Variants in MINK1 observed in about 807,000 individuals in gnomAD.
The protein encoded by MINK1 is misshapen-like kinase 1.
In MINK1, 46 loss-of-function variants were observed where a neutral mutation model predicts 178.4. The ratio of observed to expected loss-of-function variants is 0.26; its 90% CI spans 0.20 to 0.33. The LOEUF (loss-of-function observed/expected upper bound fraction) is 0.33. Among genes scored for constraint, MINK1 ranks in the 10% least tolerant of loss-of-function variants. The pLI, the probability that MINK1 is intolerant of heterozygous loss-of-function variation, is 1.00. For missense variants in MINK1, 1,366 were observed against 1,814.9 expected (o/e 0.75, Z 4.49); for synonymous variants, 797 against 709.7 (o/e 1.12, Z -1.96).
chr17:4,865,937 CGAAA>C lies in MINK1; in HGVS notation c.58-12367_58-12364del, dbSNP rs552225688. On this transcript the variant is annotated intron_variant, in intron 1 of 31. Coordinates refer to ENST00000355280, the MANE Select transcript of MINK1 (RefSeq NM_153827.5). The stretch of plus-strand genomic sequence containing the variant: ...TGGGTTTGTGTCATCTGAGATGCAA[CGAAA>C]GAAAGAAAGAAAACAAAGACATACC... Among the ~76,000 whole-genome samples, 29 of 151,926 alleles carry C rather than the reference CGAAA, an allele frequency of 1.9e-4. No homozygotes were observed. The East Asian group carries it at 3.3e-3, about 17-fold the overall frequency.
At chr17:4,880,614 G>A (rs1967605223) in intron 2 of MINK1, among the ~76,000 whole-genome samples, 1 of 148,432 alleles carries the variant, frequency 6.7e-6, no homozygotes, top group African/African-American at 2.5e-5. Context: ...ATAGAAAACA[G>A]TCGGGCCGGG....
intron 12 of MINK1, among the ~76,000 whole-genome samples, chr17:4,888,243 A>G (rs1445770383): frequency 6.6e-6 from 1 of 152,072 alleles, no homozygotes; most frequent in East Asian, 1.9e-4. Flanking sequence ...AACCCGCAGC[A>G]CCCACACTGT....
chr17:4,890,504 C>T lies in MINK1; in HGVS notation c.1348-13C>T. 1 of 1,579,306 alleles carries T rather than the reference C, an allele frequency of 6.3e-7. No homozygotes were observed. Among genetic ancestry groups the T allele is most frequent in the African/African-American group, 1.4e-5 (1 of 74,034 alleles). ...CACCCTGCTGAGCCCTCTCTCCCTA[C>T]CCTTGGGCCCAGGAATACAAGCGGA... On this transcript the variant is annotated splice_polypyrimidine_tract_variant and intron_variant, in intron 13 of 31. Coordinates refer to ENST00000355280, the MANE Select transcript of MINK1 (RefSeq NM_153827.5).
At position 4,886,371 on chromosome 17, in the gene MINK1, G is replaced by A. The variant is rs1230302802; in HGVS notation, c.774-80G>A. ...CAGGAGGGACGTCAAGGTGGCTTGTGGATGAATGATCCACCCTCTTCCTCC... is the reference window on the plus strand; with the variant it reads ...CAGGAGGGACGTCAAGGTGGCTTGTAGATGAATGATCCACCCTCTTCCTCC... On this transcript the variant is annotated intron_variant, in intron 9 of 31. Transcript: ENST00000355280. The surrounding 1 kb of genome is among the most constrained non-coding windows in gnomAD (Gnocchi z 6.1). 2.6e-6 allele frequency: 4 copies of A among 1,534,842 alleles called. No individual in the cohort carries two copies. In the African/African-American group the frequency reaches 5.5e-5, roughly 21 times the overall value.
Position 4,894,397 on chromosome 17 carries a change from G to T in MINK1, c.2808+86G>T. 2 of 1,547,214 alleles carry T rather than the reference G, an allele frequency of 1.3e-6. No individual in the cohort carries two copies. The highest frequency in any genetic ancestry group is 2.4e-5 in the South Asian group (2 of 83,882). ...CCGGTGCTGGGTAACGGCAGAGGAT[G>T]GGGCGGAGCGCTGGGAGCTGGACAG... On this transcript the variant is annotated intron_variant, in intron 23 of 31. Coordinates refer to ENST00000355280, the MANE Select transcript of MINK1 (RefSeq NM_153827.5). The surrounding 1 kb of genome is among the most constrained non-coding windows in gnomAD (Gnocchi z 4.1).
In MINK1 at chr17:4,891,136, C is replaced by T; in HGVS notation, c.1740+12C>T. ...AGGGACCGCACAAGGTGAGTCTCTCCCCACCCCTGTCTTAATGAAGACACA... is the reference window on the plus strand; with the variant it reads ...AGGGACCGCACAAGGTGAGTCTCTCTCCACCCCTGTCTTAATGAAGACACA... On this transcript the variant is annotated intron_variant, in intron 15 of 31. Coordinates refer to ENST00000355280, the MANE Select transcript of MINK1 (RefSeq NM_153827.5). 1 of 1,501,730 alleles carries T rather than the reference C, an allele frequency of 6.7e-7. No individual in the cohort carries two copies. The highest frequency in any genetic ancestry group is 8.9e-7 in the Non-Finnish European group (1 of 1,126,078). 93.0% of individuals were successfully genotyped at this position (1,501,730 alleles called of 1,614,324 possible).
chr17:4,845,638 ATT>A (rs561317791), intron 1 of MINK1, among the ~76,000 whole-genome samples: 4 of 141,394 alleles, frequency 2.8e-5, no homozygotes, highest in Non-Finnish European at 3.1e-5. Flanking sequence ...ATTGAGTTGG[ATT>A]TTTTTTTTTT....
chr17:4,894,133 C>T lies in MINK1; in HGVS notation c.2670+40C>T. On this transcript the variant is annotated intron_variant, in intron 22 of 31. Coordinates refer to ENST00000355280, the MANE Select transcript of MINK1 (RefSeq NM_153827.5). This position sits in a 1 kb window ranked among gnomAD's most constrained non-coding sequence, Gnocchi z 4.1. ...GCTCCCTCCCCTGTACCTGTGTGTG[C>T]CCTCCTCAGCCCCACGCCAACCCTG... 6.2e-7 allele frequency: 1 copy of T among 1,609,902 alleles called. No individual in the cohort carries two copies. The highest frequency in any genetic ancestry group is 8.5e-7 in the Non-Finnish European group (1 of 1,177,534).
rs1466078015 is a variant in MINK1, at chr17:4,836,312, G to A, written c.57+2672G>A. Among the ~76,000 whole-genome samples the A allele has an allele frequency of 1.3e-5, 2 of 152,172 alleles. No individual in the cohort carries two copies. The highest frequency in any genetic ancestry group is 1.5e-5 in the Non-Finnish European group (1 of 68,038). ...TTTTCAGCTGGTGATGAGGGTAATC[G>A]TCTGATATTAGGGAAGATTGAATTG... On this transcript the variant is annotated intron_variant, in intron 1 of 31. Coordinates refer to ENST00000355280, the MANE Select transcript of MINK1 (RefSeq NM_153827.5). This position sits in a 1 kb window ranked among gnomAD's most constrained non-coding sequence, Gnocchi z 4.3.
intron 1 of MINK1, among the ~76,000 whole-genome samples, chr17:4,862,386 G>A (rs1167137353): frequency 1.3e-5 from 2 of 152,112 alleles, no homozygotes; most frequent in Non-Finnish European, 2.9e-5. Flanking sequence ...CAGGCACGGT[G>A]GCTCACGCCT....
intron 1 of MINK1, chr17:4,868,981 T>G (rs1915452498): frequency 1.3e-5 from 2 of 159,622 alleles, no homozygotes; most frequent in Admixed American, 1.3e-4. Context: ...TGGTGTGCAG[T>G]GGCGTAATCT....
intron 1 of MINK1, chr17:4,860,683 T>C (rs1914021541): frequency 5.8e-6 from 3 of 518,966 alleles, no homozygotes; most frequent in African/African-American, 1.9e-5. Context: ...AGGGAGTCCC[T>C]TGAGGCTGAG....
intron 1 of MINK1, among the ~76,000 whole-genome samples, chr17:4,839,215 T>A (rs369830722): frequency 6.6e-6 from 1 of 152,304 alleles, no homozygotes; most frequent in South Asian, 2.1e-4. Flanking sequence ...AGTGCTGGGA[T>A]TACAGGCGCG....
rs1316608633 is a variant in MINK1 at position 4,892,656 on chromosome 17, T to C, written c.2199T>C (p.Ser733=). Residue 733 remains serine, a splice_region_variant and synonymous_variant, in exon 19 of 32, where the codon AGT becomes AGC. Transcript: ENST00000355280. ...AQPPGPPNAS[S]NPDLRRSDPG... is the part of the protein sequence containing the mutation. The stretch of plus-strand genomic sequence containing the variant: ...GACCCTGACTCTGCCCCCCCAACAG[T>C]AACCCCGACCTCAGGAGGAGCGACC... 1.9e-6 allele frequency: 3 copies of C among 1,600,754 alleles called. No homozygotes were observed. The highest frequency in any genetic ancestry group is 1.7e-5 in the Admixed American group (1 of 58,832).
rs773538543 is a variant in MINK1 at position 4,885,601 on chromosome 17, C to A, written c.627C>A (p.Thr209=). The change falls in exon 7 of 32, where the codon ACC becomes ACA. Residue 209 remains threonine, a synonymous_variant. Coordinates refer to ENST00000355280, the MANE Select transcript of MINK1 (RefSeq NM_153827.5). The surrounding 1 kb of genome is among the most constrained non-coding windows in gnomAD (Gnocchi z 5.0). ...VIACDENPDA[T]YDYRSDIWSL... The stretch of plus-strand genomic sequence containing the variant: ...CCTGTGATGAGAACCCTGATGCCAC[C>A]TATGATTACAGGGTATGGAGTGGAA... 6 of 1,613,962 alleles carry A rather than the reference C, an allele frequency of 3.7e-6. No homozygotes were observed. In the Admixed American group the frequency reaches 1.0e-4, roughly 27 times the overall value.
chr17:4,844,485 G>A (rs1910709298), intron 1 of MINK1: 3 of 461,740 alleles, frequency 6.5e-6, no homozygotes, highest in South Asian at 1.5e-5. Flanking sequence ...CCCTCCAGGA[G>A]CACTTGGCCT....
At position 4,894,433 on chromosome 17, in the gene MINK1, A is replaced by C; in HGVS notation, c.2809-92A>C. On this transcript the variant is annotated intron_variant, in intron 23 of 31. Coordinates refer to ENST00000355280, the MANE Select transcript of MINK1 (RefSeq NM_153827.5). This position sits in a 1 kb window ranked among gnomAD's most constrained non-coding sequence, Gnocchi z 4.1. ...CTGGGAGCTGGACAGCGGGGGTGCC[A>C]GTTGGGGAGCTGGAGCCTGGGGAAC... is the stretch of plus-strand genomic sequence containing the variant. 6.6e-7 allele frequency: 1 copy of C among 1,521,930 alleles called. No individual in the cohort carries two copies. Among genetic ancestry groups the C allele is most frequent in the African/African-American group, 1.4e-5 (1 of 72,704 alleles). The allele number at this position is 1,521,930 out of a possible 1,614,324, so 94.3% of individuals were successfully genotyped here.
chr17:4,888,774 C>A (rs34373632), intron 12 of MINK1, among the ~76,000 whole-genome samples: 90,069 of 146,230 alleles, frequency 0.62, 29,523 homozygotes, highest in Non-Finnish European at 0.74. Flanking sequence ...AGGCTCACCG[C>A]AAAACCTCCG....
chr17:4,885,828 G>C lies in MINK1; in HGVS notation c.640-83G>C. ...ATGGGTGTGGCCCAGGAAGGCTCCT[G>C]AGAGGCCAGGATGGTGGGTGAAGAG... On this transcript the variant is annotated intron_variant, in intron 7 of 31. Transcript: ENST00000355280. The surrounding 1 kb of genome is among the most constrained non-coding windows in gnomAD (Gnocchi z 5.0). The C allele has an allele frequency of 1.3e-6, 2 of 1,531,894 alleles. No individual in the cohort carries two copies. The highest frequency in any genetic ancestry group is 1.8e-6 in the Non-Finnish European group (2 of 1,116,152). 94.9% of individuals were successfully genotyped at this position (1,531,894 alleles called of 1,614,324 possible). A position where few individuals can be genotyped will look rare whatever the true frequency, so the allele number is the denominator to read the frequency against.
Sources: allele counts gnomAD v4.1 joint callset (sites outside exome capture counted in the v4.1 genomes callset), GRCh38; gene constraint gnomAD v4.1.1; non-coding constraint Gnocchi (gnomAD v3.1); transcripts MANE v1.5; gene names NCBI Gene and HGNC (gene_info 2026-07-23, HGNC 2026-07-21).